Variants in SLC9C1 observed in about 807,000 individuals in gnomAD.
SLC9C1 encodes sodium/hydrogen exchanger 10.
SLC9C1 carries 97 observed loss-of-function variants against 140.9 expected under a neutral mutation model. The ratio of observed to expected loss-of-function variants is 0.69; its 90% CI spans 0.58 to 0.82. The LOEUF (loss-of-function observed/expected upper bound fraction) is 0.82. SLC9C1 is among the 40% of genes least tolerant of loss of function. SLC9C1 has a pLI of 0.00. For missense variants in SLC9C1, 1,340 were observed against 1,389.3 expected, an observed-to-expected ratio of 0.96 and a Z score of 0.56; for synonymous variants, 440 against 442.6, an observed-to-expected ratio of 0.99 and a Z score of 0.07.
intron 21 of SLC9C1, 51 bp downstream of exon 21, chr3:112,182,082 A>T: frequency 8.1e-7 from 1 of 1,234,500 alleles, no homozygotes. Context: ...TATTTTAAAG[A>T]TTATTTGTTA....
intron 3 of SLC9C1, among the ~76,000 whole-genome samples, chr3:112,280,379 T>A (rs2080324544): frequency 6.6e-6 from 1 of 152,198 alleles, no homozygotes; most frequent in Non-Finnish European, 1.5e-5. Context: ...TTAGCCATTT[T>A]TTTCCCAAGC....
chr3:112,241,853 A>T (rs2079146896), intron 11 of SLC9C1, among the ~76,000 whole-genome samples: 2 of 152,204 alleles, frequency 1.3e-5, no homozygotes, highest in Non-Finnish European at 2.9e-5. Context: ...TGGGGGATGG[A>T]TTCCCTATTC....
At chr3:112,196,605 A>C (rs9865986) in intron 20 of SLC9C1, among the ~76,000 whole-genome samples, 1,528 of 152,206 alleles carry the variant, frequency 0.01, 24 homozygotes, top group African/African-American at 0.034. Context: ...TGTAATTTCC[A>C]GTGACCTATC....
At chr3:112,291,695 G>A (rs2080687591) in intron 1 of SLC9C1, among the ~76,000 whole-genome samples, 2 of 152,192 alleles carry the variant, frequency 1.3e-5, no homozygotes, top group African/African-American at 4.8e-5. Flanking sequence ...CAACCACTGT[G>A]GAAAACAGTG....
intron 20 of SLC9C1, among the ~76,000 whole-genome samples, chr3:112,195,628 CT>C (rs994076639): frequency 6.6e-6 from 1 of 151,858 alleles, no homozygotes; most frequent in African/African-American, 2.4e-5. Flanking sequence ...ATTTTAGCTA[CT>C]TTTTTTATGT....
chr3:112,179,389 C>T, intron 23 of SLC9C1, 142 bp downstream of exon 23: 1 of 894,384 alleles, frequency 1.1e-6, no homozygotes. Context: ...TGTAATTCGG[C>T]AAGTTTTGTT....
intron 15 of SLC9C1, among the ~76,000 whole-genome samples, chr3:112,215,075 A>G (rs2078319677): frequency 6.6e-6 from 1 of 152,242 alleles, no homozygotes; most frequent in Non-Finnish European, 1.5e-5. Context: ...CAATAAATGT[A>G]ATCCAGCATA....
At chr3:112,234,904 G>A (rs968132348) in intron 12 of SLC9C1, among the ~76,000 whole-genome samples, 2 of 151,978 alleles carry the variant, frequency 1.3e-5, no homozygotes, top group Non-Finnish European at 2.9e-5. Flanking sequence ...TTGAAGTCAG[G>A]TAGCATGATG....
intron 1 of SLC9C1, among the ~76,000 whole-genome samples, chr3:112,287,650 G>T (rs1018038998): frequency 2.6e-5 from 4 of 152,162 alleles, no homozygotes; most frequent in African/African-American, 9.7e-5. Flanking sequence ...TACATCAAAG[G>T]TCTTACATTT....
At chr3:112,243,769 C>T (rs1416641269) in intron 11 of SLC9C1, among the ~76,000 whole-genome samples, 3 of 151,618 alleles carry the variant, frequency 2.0e-5, no homozygotes, top group Non-Finnish European at 4.4e-5. Context: ...TGCCTCACTG[C>T]AGCATCAGCC....
intron 12 of SLC9C1, among the ~76,000 whole-genome samples, chr3:112,238,075 T>TCG (rs2079040346): frequency 6.6e-6 from 1 of 152,210 alleles, no homozygotes; most frequent in Non-Finnish European, 1.5e-5. Flanking sequence ...TCCATTCTCC[T>TCG]CGTCACTTTC....
chr3:112,162,666 A>G (rs2075341513), intron 26 of SLC9C1, among the ~76,000 whole-genome samples: 1 of 152,006 alleles, frequency 6.6e-6, no homozygotes. Flanking sequence ...TGCTGGATTC[A>G]TTTTGCCAGT....
chr3:112,252,950 G>A (rs2079504658), intron 10 of SLC9C1, among the ~76,000 whole-genome samples: 1 of 152,058 alleles, frequency 6.6e-6, no homozygotes, highest in African/African-American at 2.4e-5. Context: ...GGAGGGGGAG[G>A]AGCAGGCCAC....
At chr3:112,225,765 G>GA (rs1188608992) in intron 13 of SLC9C1, among the ~76,000 whole-genome samples, 1 of 63,090 alleles carries the variant, frequency 1.6e-5, no homozygotes, top group Non-Finnish European at 3.5e-5. Context: ...AAATGATCAG[G>GA]AGTAGTTATA....
Position 112,204,239 on chromosome 3 carries a change from A to G in SLC9C1, c.2151T>C (p.Phe717=), listed in dbSNP as rs1177856640. The change falls in exon 17 of 29, where the codon TTT becomes TTC. Residue 717 remains phenylalanine, a synonymous_variant. Transcript: ENST00000305815. ...VIVFIKVVQF[F]RILRIFKLIA... ...TTACCTTGAAAATGCGTAGTATACGAAAAAATTGAACAACTTTTATAAAGA... is the reference window on the plus strand; with the variant it reads ...TTACCTTGAAAATGCGTAGTATACGGAAAAATTGAACAACTTTTATAAAGA... 5 of 1,504,304 alleles carry G rather than the reference A, an allele frequency of 3.3e-6. No individual in the cohort carries two copies. The highest frequency in any genetic ancestry group is 1.5e-5 in the African/African-American group (1 of 68,662). 93.2% of individuals were successfully genotyped at this position (1,504,304 alleles called of 1,614,324 possible).
rs756054006 is a variant in SLC9C1, at chr3:112,141,285, A to G, written c.3525-4T>C. 2 of 1,581,614 alleles carry G rather than the reference A, an allele frequency of 1.3e-6. No individual in the cohort carries two copies. Among genetic ancestry groups the G allele is most frequent in the East Asian group, 2.4e-5 (1 of 42,066 alleles). On this transcript the variant is annotated splice_region_variant and splice_polypyrimidine_tract_variant and intron_variant, in intron 28 of 28. Transcript: ENST00000305815. Reference sequence around the variant, plus strand: ...TTCTTAACAGTCTTACTCTTTCCTAATAGAAGCGGAAAGAAAAAACAAAAA... The same window carrying G: ...TTCTTAACAGTCTTACTCTTTCCTAGTAGAAGCGGAAAGAAAAAACAAAAA...
At chr3:112,290,304 A>G (rs1375266602) in intron 1 of SLC9C1, among the ~76,000 whole-genome samples, 1 of 152,226 alleles carries the variant, frequency 6.6e-6, no homozygotes, top group Non-Finnish European at 1.5e-5. Context: ...ACATGTTCCC[A>G]TGAGCATTTT....
chr3:112,287,700 T>C (rs1459038757), intron 1 of SLC9C1, among the ~76,000 whole-genome samples: 2 of 152,216 alleles, frequency 1.3e-5, no homozygotes, highest in East Asian at 3.9e-4. Flanking sequence ...TAATGGTAGC[T>C]TGACATTTTT....
At chr3:112,180,257 C>T (rs1273859865) in intron 22 of SLC9C1, among the ~76,000 whole-genome samples, 1 of 152,242 alleles carries the variant, frequency 6.6e-6, no homozygotes, top group Admixed American at 6.5e-5. Context: ...CGCAGTGGCT[C>T]ACGCCTGTAA....
Sources: gnomAD v4.1 joint callset for allele counts (sites outside exome capture counted in the v4.1 genomes callset) on GRCh38, gnomAD v4.1.1 for gene constraint, MANE v1.5 for transcripts, NCBI Gene and HGNC (gene_info 2026-07-23, HGNC 2026-07-21) for gene names.